MAP4: variants seen among roughly 807,000 people sequenced by gnomAD.
MAP4 encodes microtubule-associated protein 4.
A neutral mutation model predicts 170.2 loss-of-function variants in MAP4; 76 were observed. The ratio of observed to expected loss-of-function variants is 0.45; its 90% CI spans 0.37 to 0.54. The LOEUF (loss-of-function observed/expected upper bound fraction) is 0.54. Among genes scored for constraint, MAP4 ranks in the 20% least tolerant of loss-of-function variants. The probability of loss-of-function intolerance (pLI) is 0.00; values close to 1 mark genes in which losing one functional copy is unlikely to be tolerated. For missense variants in MAP4, 2,506 were observed against 2,748.0 expected (o/e 0.91, Z 1.97); for synonymous variants, 909 against 994.5 (o/e 0.91, Z 1.62).
chr3:47,972,933 T>C (rs915920070), intron 3 of MAP4: 2 of 770,698 alleles, frequency 2.6e-6, no homozygotes, highest in Middle Eastern at 6.7e-4. Flanking sequence ...TGAAAATGCT[T>C]GACAAAAACT....
chr3:47,965,258 A>G (rs2100074158), intron 3 of MAP4, among the ~76,000 whole-genome samples: 1 of 152,204 alleles, frequency 6.6e-6, no homozygotes, highest in African/African-American at 2.4e-5. Context: ...ATAACGTTCC[A>G]TTATATGAAT....
chr3:47,985,249 C>T (rs974187831), intron 2 of MAP4, among the ~76,000 whole-genome samples: 4 of 152,024 alleles, frequency 2.6e-5, no homozygotes, highest in Non-Finnish European at 4.4e-5. Flanking sequence ...CACTGCACTC[C>T]AGTCTGGGCA....
At chr3:47,936,603 T>C (rs2100053022) in intron 3 of MAP4, among the ~76,000 whole-genome samples, 1 of 151,100 alleles carries the variant, frequency 6.6e-6, no homozygotes, top group Admixed American at 6.6e-5. Context: ...TGAGGAAATC[T>C]CTAAAAACAA....
chr3:47,872,180 T>C (rs2093546608), intron 12 of MAP4, 80 bp from the exon 13 acceptor site: 4 of 1,300,734 alleles, frequency 3.1e-6, no homozygotes, highest in Non-Finnish European at 4.2e-6. Context: ...CTTCTTTTTT[T>C]GTTTGTTTTG....
chr3:47,978,515 A>G (rs2100083508), intron 2 of MAP4, among the ~76,000 whole-genome samples: 1 of 152,084 alleles, frequency 6.6e-6, no homozygotes, highest in Admixed American at 6.5e-5. Context: ...ATGGGATTTC[A>G]CCATGTTGGC....
chr3:47,927,642 A>C (rs1274325337), intron 4 of MAP4, among the ~76,000 whole-genome samples: 1 of 151,970 alleles, frequency 6.6e-6, no homozygotes, highest in Admixed American at 6.6e-5. Context: ...CACCTGCCTA[A>C]TTTTGTATTT....
intron 3 of MAP4, among the ~76,000 whole-genome samples, chr3:47,972,746 C>T (rs759439676): frequency 3.3e-5 from 5 of 151,922 alleles, no homozygotes; most frequent in African/African-American, 4.8e-5. Context: ...ATTAGCTGGG[C>T]GTGGTGGCGG....
At chr3:47,933,663 C>T (rs1047161414) in intron 3 of MAP4, among the ~76,000 whole-genome samples, 66 of 150,242 alleles carry the variant, frequency 4.4e-4, no homozygotes, top group African/African-American at 1.5e-3. Context: ...TGCAGTGGCG[C>T]GATCTGGGCT....
Position 47,851,557 on chromosome 3 carries a change from CTTATGT to C in MAP4, c.*1371_*1376del, listed in dbSNP as rs2042253842. The C allele has an allele frequency of 6.6e-6, 1 of 152,234 alleles. No homozygotes were observed. Among genetic ancestry groups the C allele is most frequent in the Non-Finnish European group, 1.5e-5 (1 of 68,038 alleles). The allele number at this position is 152,234 out of a possible 1,614,324, so 9.4% of individuals were successfully genotyped here. On this transcript the variant is annotated 3_prime_UTR_variant, in exon 21 of 21. Coordinates refer to ENST00000683076, the MANE Select transcript of MAP4 (RefSeq NM_001385682.1). ...ATCTCCCAGGCCATTTCACTACAAA[CTTATGT>C]TTGAATCCTTTATTAGAAACCATGC...
chr3:47,891,612 T>C (rs1173157436), intron 10 of MAP4: 1 of 1,536,046 alleles, frequency 6.5e-7, no homozygotes, highest in Non-Finnish European at 8.7e-7. Flanking sequence ...ACTGCCTTTT[T>C]CTGCTGGGGG....
At chr3:48,065,972 G>C (rs987888388) in intron 1 of MAP4, among the ~76,000 whole-genome samples, 1 of 151,822 alleles carries the variant, frequency 6.6e-6, no homozygotes, top group African/African-American at 2.4e-5. Flanking sequence ...AACAAAAAAA[G>C]AAACGATAAA....
chr3:47,872,392 C>G (rs1559846657), intron 12 of MAP4, among the ~76,000 whole-genome samples: 1 of 152,094 alleles, frequency 6.6e-6, no homozygotes, highest in Non-Finnish European at 1.5e-5. Context: ...ACCGTGTTAG[C>G]CAGGATGATC....
intron 2 of MAP4, among the ~76,000 whole-genome samples, chr3:47,996,534 T>G (rs928184990): frequency 6.6e-6 from 1 of 152,168 alleles, no homozygotes; most frequent in African/African-American, 2.4e-5. Flanking sequence ...TTCCAGGGCC[T>G]CAGTCCCCAC....
Position 47,872,055 on chromosome 3 carries a change from T to C in MAP4, c.5803A>G (p.Lys1935Glu). Reference protein sequence around the residue: ...KAPEKRASPSKPASAPASRSG... With the variant: ...KAPEKRASPSEPASAPASRSG... ...CTGGAGGCTGGGGCAGAAGCTGGCT[T>C]GGATGGTGAGGCCCGCTTCTCAGGA... The change falls in exon 13 of 21, where the codon AAG (lysine) becomes GAG (glutamate). Residue 1935 changes from lysine (K) to glutamate (E), a missense_variant. Physicochemically the swap from Lys to Glu is moderately conservative, Grantham distance 56 (BLOSUM62 1). Coordinates refer to ENST00000683076, the MANE Select transcript of MAP4 (RefSeq NM_001385682.1). 6.2e-7 allele frequency: 1 copy of C among 1,613,384 alleles called. No individual in the cohort carries two copies.
At chr3:47,977,726 A>T in intron 3 of MAP4, 139 bp downstream of exon 3, 2 of 588,850 alleles carry the variant, frequency 3.4e-6, no homozygotes, top group Non-Finnish European at 6.3e-6. Context: ...TCCTGGGTTT[A>T]AATACCTCCA....
intron 1 of MAP4, among the ~76,000 whole-genome samples, chr3:48,076,389 C>G (rs1289177710): frequency 6.6e-6 from 1 of 151,572 alleles, no homozygotes; most frequent in Non-Finnish European, 1.5e-5. Context: ...GTAGTCCCAG[C>G]TACTTGGGAG....
At chr3:48,055,494 G>C (rs1472176761) in intron 1 of MAP4, among the ~76,000 whole-genome samples, 2 of 148,552 alleles carry the variant, frequency 1.3e-5, no homozygotes, top group East Asian at 2.0e-4. Flanking sequence ...ACGGAGTCTC[G>C]TTCACTCAGT....
Position 47,852,405 on chromosome 3 carries a change from AGAGG to A in MAP4, c.*525_*528del. ...GGGGGGGGCGCCCATTTGTGGGACC[AGAGG>A]GAGAGGCAGTGGCTTAAGCTCCACG... On this transcript the variant is annotated 3_prime_UTR_variant, in exon 21 of 21. Coordinates refer to ENST00000683076, the MANE Select transcript of MAP4 (RefSeq NM_001385682.1). 5.2e-6 allele frequency: 1 copy of A among 192,534 alleles called. No homozygotes were observed. Among genetic ancestry groups the A allele is most frequent in the Non-Finnish European group, 1.1e-5 (1 of 94,684 alleles). 11.9% of individuals were successfully genotyped at this position (192,534 alleles called of 1,614,324 possible). A position where few individuals can be genotyped will look rare whatever the true frequency, so the allele number is the denominator to read the frequency against.
chr3:47,942,240 A>G (rs1187201043), intron 3 of MAP4, among the ~76,000 whole-genome samples: 2 of 152,262 alleles, frequency 1.3e-5, no homozygotes, highest in African/African-American at 4.8e-5. Flanking sequence ...AAACTTAATC[A>G]TAAAGACGTT....
Sources: allele counts gnomAD v4.1 joint callset (sites outside exome capture counted in the v4.1 genomes callset), GRCh38; gene constraint gnomAD v4.1.1; transcripts MANE v1.5; gene names NCBI Gene and HGNC (gene_info 2026-07-23, HGNC 2026-07-21).